CTC1: variants seen among roughly 807,000 people sequenced by gnomAD.
CTC1 encodes CST complex subunit CTC1.
In CTC1, 91 loss-of-function variants were observed where a neutral mutation model predicts 136.3. That is an observed-to-expected ratio of 0.67 (90% CI 0.56 to 0.79). The LOEUF is 0.79. Among genes scored for constraint, CTC1 ranks in the 30% least tolerant of loss-of-function variants. The pLI is 0.00. For synonymous variants in CTC1, 606 were observed against 613.8 expected (o/e 0.99, Z 0.19); for missense variants, 1,432 against 1,498.1 (o/e 0.96, Z 0.73).
In CTC1 at chr17:8,231,374, G is replaced by C. The variant is rs1199716701; in HGVS notation, c.2571C>G (p.Asn857Lys). Residue 857 changes from asparagine to lysine, a missense_variant, in exon 15 of 23, where the codon AAC (asparagine) becomes AAG (lysine). Physicochemically the swap from Asn to Lys is moderately conservative, Grantham distance 94 (BLOSUM62 0). Transcript: ENST00000651323. ...GCASCLTVQDNWTLELESSQD... is the reference protein window; with the variant it reads ...GCASCLTVQDKWTLELESSQD... The stretch of plus-strand genomic sequence containing the variant: ...GGGAGCTTTCAAGCTCCAGAGTCCA[G>C]TTGTCCTGGACAGTGAGGCAGGATG... 1.9e-6 allele frequency: 3 copies of C among 1,613,334 alleles called. No individual in the cohort carries two copies. The South Asian group carries it at 3.3e-5, about 18-fold the overall frequency.
intron 2 of CTC1, among the ~76,000 whole-genome samples, chr17:8,242,547 AAAAAAAATATATAT>A (rs1217323387): frequency 1.9e-4 from 18 of 96,822 alleles, no homozygotes; most frequent in South Asian, 7.1e-4. Flanking sequence ...AAAAAAAAAA[AAAAAAAATATATAT>A]ATATATATAT....
chr17:8,247,912 G>C, intron 1 of CTC1, 92 bp downstream of exon 1: 1 of 1,376,376 alleles, frequency 7.3e-7, no homozygotes, highest in South Asian at 1.2e-5. Context: ...CGGCCAGCGA[G>C]CCCAGAGAGA....
In CTC1 at chr17:8,229,560, G is replaced by C. The variant is rs112540472; in HGVS notation, c.3012-114C>G. 0.015 allele frequency: 12,619 copies of C among 866,620 alleles called. 135 individuals carry two copies. Among genetic ancestry groups the C allele is most frequent in the Middle Eastern group, 0.04 (114 of 2,830 alleles). 53.7% of individuals were successfully genotyped at this position (866,620 alleles called of 1,614,324 possible). ...AGAGGGCATCAGGATGGGGACAGCAGTGGGTTCCATGCGCTCCTAGAAGCC... is the reference window on the plus strand; with the variant it reads ...AGAGGGCATCAGGATGGGGACAGCACTGGGTTCCATGCGCTCCTAGAAGCC... On this transcript the variant is annotated intron_variant, in intron 18 of 22. Transcript: ENST00000651323.
chr17:8,247,671 T>C (rs927438486), intron 1 of CTC1: 10 of 263,610 alleles, frequency 3.8e-5, no homozygotes, highest in African/African-American at 6.8e-5. Flanking sequence ...CTTATTATGG[T>C]TGCCCTTTTC....
Position 8,243,197 on chromosome 17 carries a change from A to G in CTC1, c.34-49T>C, listed in dbSNP as rs571961278. The stretch of plus-strand genomic sequence containing the variant: ...AACATCTTGACTATCCGGCCCACCA[A>G]GGAAACTTGGGAAGAATAAAGGACT... On this transcript the variant is annotated intron_variant, in intron 1 of 22. Transcript: ENST00000651323. 3.1e-5 allele frequency: 48 copies of G among 1,565,294 alleles called. No individual in the cohort carries two copies. In the African/African-American group the frequency reaches 5.7e-4, roughly 19 times the overall value.
chr17:8,232,349 C>T lies in CTC1; in HGVS notation c.2060+12G>A, dbSNP rs1987317835. ...CCCAGACTCAAGACAACCATGACCC[C>T]AAGGAGCCAACCTGGCCTGCTGCTT... On this transcript the variant is annotated intron_variant, in intron 12 of 22. Transcript: ENST00000651323. 1.2e-6 allele frequency: 2 copies of T among 1,611,864 alleles called. No homozygotes were observed. Among genetic ancestry groups the T allele is most frequent in the Non-Finnish European group, 1.7e-6 (2 of 1,178,744 alleles).
intron 15 of CTC1, 21 bp from the exon 16 acceptor site, chr17:8,230,672 ACT>A: frequency 6.2e-7 from 1 of 1,601,620 alleles, no homozygotes. Flanking sequence ...AGGGAAATAC[ACT>A]GAGAATGGAG....
At position 8,229,318 on chromosome 17, in the gene CTC1, G is replaced by A. The variant is rs748309979; in HGVS notation, c.3140C>T (p.Thr1047Ile). Reference sequence around the variant, plus strand: ...CTCCCTTACCTGCCGGCAGATGCTGGTACAATAAGCACACACCCAGAAGAG... The same window carrying A: ...CTCCCTTACCTGCCGGCAGATGCTGATACAATAAGCACACACCCAGAAGAG... ...LQLFWVCAYC[T>I]SICRQGKCTR... The change falls in exon 19 of 23, where the codon ACC (threonine) becomes ATC (isoleucine). Residue 1047 changes from threonine (T) to isoleucine (I), a missense_variant. Coordinates refer to ENST00000651323, the MANE Select transcript of CTC1 (RefSeq NM_025099.6). The A allele has an allele frequency of 6.2e-7, 1 of 1,614,190 alleles. No homozygotes were observed. Among genetic ancestry groups the A allele is most frequent in the South Asian group, 1.1e-5 (1 of 91,080 alleles).
rs1350490970 is a variant in CTC1 at position 8,248,017 on chromosome 17, T to C, written c.20A>G (p.Gln7Arg). The change falls in exon 1 of 23, where the codon CAG (glutamine) becomes CGG (arginine). Residue 7 changes from glutamine to arginine, a missense_variant. Transcript: ENST00000651323. ...AGCAGCACTCACGGAGGAAGGGACC[T>C]GGGCCCGGCCAGCCGCCATGATGCG... MAAGRA[Q>R]VPSSEQAWLE... 4.4e-6 allele frequency: 6 copies of C among 1,356,914 alleles called. No individual in the cohort carries two copies. Among genetic ancestry groups the C allele is most frequent in the East Asian group, 9.2e-5 (2 of 21,792 alleles). The allele number at this position is 1,356,914 out of a possible 1,614,324, so 84.1% of individuals were successfully genotyped here. A position where few individuals can be genotyped will look rare whatever the true frequency, so the allele number is the denominator to read the frequency against.
Position 8,236,268 on chromosome 17 carries a change from G to C in CTC1, c.867C>G (p.Ser289=). 1 of 1,613,956 alleles carries C rather than the reference G, an allele frequency of 6.2e-7. No individual in the cohort carries two copies. The highest frequency in any genetic ancestry group is 8.5e-7 in the Non-Finnish European group (1 of 1,180,036). ...CATGCTGGCGCTGACCACGGATCTTGGACACTCGCAGTTCTGTCAGCACAT... is the reference window on the plus strand; with the variant it reads ...CATGCTGGCGCTGACCACGGATCTTCGACACTCGCAGTTCTGTCAGCACAT... ...TAYVLTELRV[S]KIRGQRQHVW... is the part of the protein sequence containing the mutation. Residue 289 remains serine (S), a synonymous_variant, in exon 6 of 23, where the codon TCC becomes TCG. Transcript: ENST00000651323.
In CTC1 at chr17:8,239,154, G is replaced by A. The variant is rs960639267; in HGVS notation, c.198-525C>T. Among the ~76,000 whole-genome samples, 5 of 151,854 alleles carry A rather than the reference G, an allele frequency of 3.3e-5. No homozygotes were observed. In the East Asian group the frequency reaches 7.7e-4, roughly 24 times the overall value. On this transcript the variant is annotated intron_variant, in intron 2 of 22. Transcript: ENST00000651323. ...TGGGATCTGAGTCCAATTCCGTGCT[G>A]AATAGTATCTTCAACAAGATGGTGC...
Position 8,234,862 on chromosome 17 carries a change from G to A in CTC1, c.1504C>T (p.Leu502=), listed in dbSNP as rs764233117. The A allele has an allele frequency of 6.2e-7, 1 of 1,613,156 alleles. No individual in the cohort carries two copies. The highest frequency in any genetic ancestry group is 1.3e-5 in the African/African-American group (1 of 74,902). Reference sequence around the variant, plus strand: ...GTAGGAGCCAGGAGTTGCAGTCCCAGGCTGGGGCTCCCAGGAGAGGAATGT... The same window carrying A: ...GTAGGAGCCAGGAGTTGCAGTCCCAAGCTGGGGCTCCCAGGAGAGGAATGT... ...LQHSSPGSPS[L]GLQLLAPTLD... Residue 502 remains leucine (L), a synonymous_variant, in exon 9 of 23, where the codon CTG becomes TTG. Transcript: ENST00000651323.
chr17:8,242,201 TG>T (rs1988286278), intron 2 of CTC1, among the ~76,000 whole-genome samples: 1 of 151,680 alleles, frequency 6.6e-6, no homozygotes, highest in Non-Finnish European at 1.5e-5. Context: ...GGCTAATTTT[TG>T]TATTTTTTTT....
chr17:8,245,128 AACAG>A (rs988655011), intron 1 of CTC1, among the ~76,000 whole-genome samples: 1 of 152,120 alleles, frequency 6.6e-6, no homozygotes, highest in Non-Finnish European at 1.5e-5. Flanking sequence ...AGAGGGAAAT[AACAG>A]ACACTGGGTC....
At chr17:8,243,198 G>A (rs774040065) in intron 1 of CTC1, 50 bp from the exon 2 acceptor site, 1 of 1,550,954 alleles carries the variant, frequency 6.4e-7, no homozygotes, top group Non-Finnish European at 8.8e-7. Context: ...GGCCCACCAA[G>A]GAAACTTGGG....
chr17:8,239,791 G>T (rs1988059066), intron 2 of CTC1, among the ~76,000 whole-genome samples: 1 of 152,090 alleles, frequency 6.6e-6, no homozygotes, highest in Non-Finnish European at 1.5e-5. Flanking sequence ...CTCCCTGTTG[G>T]ACTCAAGAAC....
At chr17:8,246,124 T>C (rs57209138) in intron 1 of CTC1, among the ~76,000 whole-genome samples, 2,901 of 149,384 alleles carry the variant, frequency 0.019, 99 homozygotes, top group African/African-American at 0.068. Context: ...GAGGATCGCT[T>C]GAGCCCAGGG....
chr17:8,232,388 G>T lies in CTC1; in HGVS notation c.2033C>A (p.Pro678Gln). The change falls in exon 12 of 23, where the codon CCA becomes CAA. Residue 678 changes from proline (P) to glutamine (Q), a missense_variant. Transcript: ENST00000651323. Reference sequence around the variant, plus strand: ...GGCCTGCTGCTTCTGGATGAAGCCTGGCATGCTCAGCTCCTTCCAGGAAGG... The same window carrying T: ...GGCCTGCTGCTTCTGGATGAAGCCTTGCATGCTCAGCTCCTTCCAGGAAGG... ...SFPSWKELSMPGFIQKQQARV... is the reference protein window; with the variant it reads ...SFPSWKELSMQGFIQKQQARV... The T allele has an allele frequency of 6.2e-7, 1 of 1,614,056 alleles. No individual in the cohort carries two copies. Among genetic ancestry groups the T allele is most frequent in the Non-Finnish European group, 8.5e-7 (1 of 1,179,952 alleles).
chr17:8,245,329 A>G (rs1004805595), intron 1 of CTC1, among the ~76,000 whole-genome samples: 1 of 152,160 alleles, frequency 6.6e-6, no homozygotes, highest in Non-Finnish European at 1.5e-5. Flanking sequence ...CAAGTTCTAG[A>G]TGTCTTCAGC....
Sources: gnomAD v4.1 joint callset for allele counts (sites outside exome capture counted in the v4.1 genomes callset) on GRCh38, gnomAD v4.1.1 for gene constraint, MANE v1.5 for transcripts, NCBI Gene and HGNC (gene_info 2026-07-23, HGNC 2026-07-21) for gene names.